The following CSMD1 variants were observed in gnomAD, a reference collection of about 807,000 sequenced individuals.
The protein encoded by CSMD1 is CUB and sushi domain-containing protein 1.
A neutral mutation model predicts 417.5 loss-of-function variants in CSMD1; 213 were observed. The ratio of observed to expected loss-of-function variants is 0.51; its 90% CI spans 0.46 to 0.57. The LOEUF (loss-of-function observed/expected upper bound fraction) is 0.57. Ranked by LOEUF, CSMD1 falls within the 20% of genes least tolerant of loss-of-function variation. CSMD1 has a pLI of 0.00. For missense variants in CSMD1, 6,923 were observed against 4,529.7 expected (o/e 1.53, Z -15.17); for synonymous variants, 2,862 against 1,736.8 (o/e 1.65, Z -16.11).
chr8:2,949,927 C>T (rs187941001), intron 67 of CSMD1, among the ~76,000 whole-genome samples: 2 of 152,274 alleles, frequency 1.3e-5, no homozygotes, highest in African/African-American at 4.8e-5. Context: ...TTTCTGATGG[C>T]ACCACTCACG....
intron 54 of CSMD1, among the ~76,000 whole-genome samples, chr8:2,987,394 C>T (rs1350407241): frequency 1.4e-5 from 2 of 147,882 alleles, no homozygotes; most frequent in Non-Finnish European, 3.0e-5. Context: ...ATATAAGAAA[C>T]AGAAATATTT....
chr8:4,546,981 C>T (rs1042585717), intron 2 of CSMD1, among the ~76,000 whole-genome samples: 36 of 152,256 alleles, frequency 2.4e-4, no homozygotes, highest in African/African-American at 6.3e-4. Flanking sequence ...GTAGGCATCA[C>T]CCTGTGTGCC....
chr8:3,793,437 G>C (rs994741189), intron 5 of CSMD1, among the ~76,000 whole-genome samples: 2 of 151,912 alleles, frequency 1.3e-5, no homozygotes, highest in African/African-American at 4.8e-5. Context: ...GTCTCTGCAA[G>C]AACTCCCCTT....
chr8:3,434,700 A>T (rs557010088), intron 12 of CSMD1, among the ~76,000 whole-genome samples: 5 of 151,996 alleles, frequency 3.3e-5, no homozygotes, highest in Admixed American at 6.5e-5. Flanking sequence ...TGCCCCATAG[A>T]CTTCATTTTG....
chr8:3,735,146 G>A (rs547386380), intron 6 of CSMD1, among the ~76,000 whole-genome samples: 1 of 152,332 alleles, frequency 6.6e-6, no homozygotes, highest in African/African-American at 2.4e-5. Context: ...ATTTCCTTCA[G>A]CTGATACATT....
chr8:4,210,671 G>A (rs780532855), intron 3 of CSMD1, among the ~76,000 whole-genome samples: 1 of 151,986 alleles, frequency 6.6e-6, no homozygotes, highest in Non-Finnish European at 1.5e-5. Context: ...CTTATCTGAA[G>A]AAAGCCAATT....
chr8:3,107,235 A>C (rs1816205307), intron 45 of CSMD1: 1 of 156,648 alleles, frequency 6.4e-6, no homozygotes, highest in South Asian at 2.0e-4. Flanking sequence ...TTAATGTAAA[A>C]AGATACAGCA....
chr8:3,288,164 T>C (rs1477313081), intron 25 of CSMD1, among the ~76,000 whole-genome samples: 3 of 147,520 alleles, frequency 2.0e-5, no homozygotes, highest in Non-Finnish European at 1.5e-5. Context: ...CACTTGATCA[T>C]TGTGGATAAG....
At chr8:4,676,883 T>G (rs115079057) in intron 1 of CSMD1, among the ~76,000 whole-genome samples, 5,238 of 150,164 alleles carry the variant, frequency 0.035, 269 homozygotes, top group African/African-American at 0.11. Context: ...ATTTTATATA[T>G]AGAGAGAGAT....
rs1798816142 is a variant in CSMD1, at chr8:4,570,191, G to A, written c.302+67151C>T. Among the ~76,000 whole-genome samples, 3 of 152,320 alleles carry A rather than the reference G, an allele frequency of 2.0e-5. No homozygotes were observed. The South Asian group carries it at 6.2e-4, about 32-fold the overall frequency. On this transcript the variant is annotated intron_variant, in intron 2 of 69. Transcript: ENST00000635120. Reference sequence around the variant, plus strand: ...CAACACTACGTTGAATAGCAGTGGTGAGAGAGGGCATCCTTGTCTTTTGCT... The same window carrying A: ...CAACACTACGTTGAATAGCAGTGGTAAGAGAGGGCATCCTTGTCTTTTGCT...
intron 1 of CSMD1, among the ~76,000 whole-genome samples, chr8:4,681,534 G>C (rs1049086422): frequency 6.6e-6 from 1 of 152,092 alleles, no homozygotes; most frequent in African/African-American, 2.4e-5. Context: ...TTCCTTTGTT[G>C]TTTACGCCAA....
chr8:4,238,136 T>C (rs955365819), intron 3 of CSMD1, among the ~76,000 whole-genome samples: 1 of 152,206 alleles, frequency 6.6e-6, no homozygotes, highest in African/African-American at 2.4e-5. Context: ...GGCCTAAAAA[T>C]GTCTGGTAAG....
At chr8:3,747,748 T>A (rs922141780) in intron 6 of CSMD1, among the ~76,000 whole-genome samples, 2 of 152,334 alleles carry the variant, frequency 1.3e-5, no homozygotes, top group African/African-American at 2.4e-5. Flanking sequence ...AACAGTTTTC[T>A]AAAACGGTCG....
chr8:3,255,669 T>G lies in CSMD1; in HGVS notation c.4154-25438A>C, dbSNP rs113496268. Among the ~76,000 whole-genome samples the G allele has an allele frequency of 3.0e-3, 452 of 152,364 alleles. 2 individuals are homozygous for G. Among genetic ancestry groups the G allele is most frequent in the African/African-American group, 0.01 (428 of 41,594 alleles). On this transcript the variant is annotated intron_variant, in intron 26 of 69. Coordinates refer to ENST00000635120, the MANE Select transcript of CSMD1 (RefSeq NM_033225.6). The stretch of plus-strand genomic sequence containing the variant: ...TGTGGGCGTAGGACCCTCTGAGCCA[T>G]GCACGGGATATAATCTCCTGGTGTG...
At chr8:4,207,250 T>G (rs1800034132) in intron 3 of CSMD1, among the ~76,000 whole-genome samples, 1 of 152,184 alleles carries the variant, frequency 6.6e-6, no homozygotes, top group African/African-American at 2.4e-5. Flanking sequence ...GCATTCCCAT[T>G]ATTTCAAGTG....
chr8:4,189,909 G>C (rs972433566), intron 3 of CSMD1, among the ~76,000 whole-genome samples: 6 of 151,600 alleles, frequency 4.0e-5, no homozygotes, highest in Non-Finnish European at 8.8e-5. Context: ...TTGAAAATCT[G>C]TACTCTTTTG....
intron 10 of CSMD1, among the ~76,000 whole-genome samples, chr8:3,500,650 T>C (rs1441730695): frequency 6.6e-6 from 1 of 151,968 alleles, no homozygotes; most frequent in Non-Finnish European, 1.5e-5. Context: ...AAACTAAAGA[T>C]CTTAAGGAGG....
chr8:4,338,636 T>C (rs1800306797), intron 3 of CSMD1, among the ~76,000 whole-genome samples: 1 of 152,144 alleles, frequency 6.6e-6, no homozygotes, highest in African/African-American at 2.4e-5. Flanking sequence ...TCCATAAATT[T>C]AGCTGTCATA....
At chr8:3,873,616 C>T (rs984060432) in intron 5 of CSMD1, among the ~76,000 whole-genome samples, 4 of 152,004 alleles carry the variant, frequency 2.6e-5, no homozygotes, top group African/African-American at 7.3e-5. Context: ...CGGCATAATA[C>T]CTGAGTGGTG....
Sources: gnomAD v4.1 joint callset for allele counts (sites outside exome capture counted in the v4.1 genomes callset) on GRCh38, gnomAD v4.1.1 for gene constraint, MANE v1.5 for transcripts, NCBI Gene and HGNC (gene_info 2026-07-23, HGNC 2026-07-21) for gene names.